NFIC: variants seen among roughly 807,000 people sequenced by gnomAD.
The protein encoded by NFIC is nuclear factor I C, also known as nuclear factor 1 C-type.
NFIC carries 12 observed loss-of-function variants against 54.4 expected under a neutral mutation model. That is an observed-to-expected ratio of 0.22 (90% CI 0.14 to 0.36). The LOEUF (loss-of-function observed/expected upper bound fraction) is 0.36. Ranked by LOEUF, NFIC falls within the 10% of genes least tolerant of loss-of-function variation. The pLI is 1.00. For synonymous variants in NFIC, 322 were observed against 319.2 expected (o/e 1.01, Z -0.09); for missense variants, 575 against 718.2 (o/e 0.80, Z 2.28).
chr19:3,409,131 G>A (rs753843578), intron 2 of NFIC, among the ~76,000 whole-genome samples: 15 of 152,026 alleles, frequency 9.9e-5, no homozygotes, highest in Non-Finnish European at 1.8e-4. Context: ...AACACACAAG[G>A]CCCCGAATGG....
intron 2 of NFIC, among the ~76,000 whole-genome samples, chr19:3,388,016 G>A (rs1009494560): frequency 6.6e-6 from 1 of 152,082 alleles, no homozygotes; most frequent in Non-Finnish European, 1.5e-5. Flanking sequence ...TGCCAGGCCC[G>A]CCCGTCCCAG....
chr19:3,460,011 G>A (rs1021401919), intron 10 of NFIC, among the ~76,000 whole-genome samples: 3 of 152,186 alleles, frequency 2.0e-5, no homozygotes, highest in African/African-American at 4.8e-5. Flanking sequence ...TGGAGTTTGC[G>A]TTTCCAGGGC....
Position 3,433,699 on chromosome 19 carries a change from C to T in NFIC, c.709+107C>T, listed in dbSNP as rs1349375936. On this transcript the variant is annotated intron_variant, in intron 4 of 10. Coordinates refer to ENST00000443272, the MANE Select transcript of NFIC (RefSeq NM_001245002.2). ...TACTCCTTGTCCTTTCCAGACAACC[C>T]CCTGTGTCACTAAGCCAAGGTTCCT... 22 of 1,231,302 alleles carry T rather than the reference C, an allele frequency of 1.8e-5. No homozygotes were observed. The East Asian group carries it at 5.5e-4, about 31-fold the overall frequency. 76.3% of individuals were successfully genotyped at this position (1,231,302 alleles called of 1,614,324 possible).
chr19:3,450,985 G>A (rs929611317), intron 7 of NFIC, among the ~76,000 whole-genome samples: 3 of 152,230 alleles, frequency 2.0e-5, no homozygotes, highest in Non-Finnish European at 2.9e-5. Flanking sequence ...CAGAGACCAC[G>A]TGGCCAAAAG....
At chr19:3,419,782 C>T (rs1015897151) in intron 2 of NFIC, among the ~76,000 whole-genome samples, 1 of 143,610 alleles carries the variant, frequency 7.0e-6, no homozygotes, top group Non-Finnish European at 1.5e-5. Context: ...CTGGGCGACA[C>T]AGCGATACTC....
At chr19:3,386,985 GA>G (rs1305210619) in intron 2 of NFIC, among the ~76,000 whole-genome samples, 5 of 152,200 alleles carry the variant, frequency 3.3e-5, no homozygotes, top group Non-Finnish European at 1.5e-5. Flanking sequence ...TTCCTTTTCC[GA>G]ACCGAGAGTC....
At chr19:3,454,531 T>G (rs1448150327) in intron 9 of NFIC, among the ~76,000 whole-genome samples, 1 of 152,042 alleles carries the variant, frequency 6.6e-6, no homozygotes, top group African/African-American at 2.4e-5. Flanking sequence ...GATGTGGTTC[T>G]GGGTGGCTGC....
chr19:3,410,256 A>T (rs968931671), intron 2 of NFIC, among the ~76,000 whole-genome samples: 1 of 151,988 alleles, frequency 6.6e-6, no homozygotes, highest in Non-Finnish European at 1.5e-5. Flanking sequence ...TAGCTAGGAG[A>T]ACAACAATTT....
chr19:3,388,187 C>T (rs1159523795), intron 2 of NFIC, among the ~76,000 whole-genome samples: 4 of 151,808 alleles, frequency 2.6e-5, no homozygotes, highest in African/African-American at 4.8e-5. Flanking sequence ...GCTCATAGCA[C>T]GCCAGAGAGG....
chr19:3,414,772 C>A (rs1024977304), intron 2 of NFIC, among the ~76,000 whole-genome samples: 25 of 152,192 alleles, frequency 1.6e-4, no homozygotes, highest in Non-Finnish European at 3.5e-4. Context: ...ATGCTGCAAA[C>A]CCCGACTCTG....
rs1014563684 is a variant in NFIC at position 3,370,911 on chromosome 19, G to A, written c.30+4245G>A. Among the ~76,000 whole-genome samples the A allele has an allele frequency of 7.9e-5, 12 of 152,260 alleles. No homozygotes were observed. Among genetic ancestry groups the A allele is most frequent in the South Asian group, 2.1e-4 (1 of 4,826 alleles). Reference sequence around the variant, plus strand: ...CATCTGCCCTGAGCACACAGCGTGCGGGCACCCAAGTCCTGACCAGTTCAC... The same window carrying A: ...CATCTGCCCTGAGCACACAGCGTGCAGGCACCCAAGTCCTGACCAGTTCAC... On this transcript the variant is annotated intron_variant, in intron 1 of 10. Transcript: ENST00000443272. This position sits in a 1 kb window ranked among gnomAD's most constrained non-coding sequence, Gnocchi z 5.2.
intron 3 of NFIC, among the ~76,000 whole-genome samples, chr19:3,430,113 G>A (rs1050836620): frequency 1.3e-5 from 2 of 152,032 alleles, no homozygotes; most frequent in South Asian, 2.1e-4. Flanking sequence ...GATGCACCTC[G>A]CATTTGACTT....
At chr19:3,438,962 G>A (rs978884848) in intron 6 of NFIC, among the ~76,000 whole-genome samples, 2 of 152,074 alleles carry the variant, frequency 1.3e-5, no homozygotes, top group Admixed American at 6.6e-5. Context: ...GGAAGAAAAG[G>A]GAGGACCTCC....
intron 2 of NFIC, among the ~76,000 whole-genome samples, chr19:3,422,531 C>T: frequency 6.6e-6 from 1 of 151,222 alleles, no homozygotes. Flanking sequence ...TCCTGGCTAA[C>T]ACGGTGAAAC....
At position 3,453,813 on chromosome 19, in the gene NFIC, G is replaced by A. The variant is rs748174262; in HGVS notation, c.1320G>A (p.Gln440=). The part of the protein sequence containing the change: ...LKMPSHCLSA[Q]MLAPPPPGLP... ...TGCCCAGCCACTGCCTTTCTGCTCA[G>A]ATGCTGGCACCTCCGCCCCCGGGGC... Residue 440 remains glutamine, a synonymous_variant, in exon 9 of 11, where the codon CAG becomes CAA. Transcript: ENST00000443272. This position sits in a 1 kb window ranked among gnomAD's most constrained non-coding sequence, Gnocchi z 6.7. 3.1e-6 allele frequency: 5 copies of A among 1,604,752 alleles called. No individual in the cohort carries two copies. Among genetic ancestry groups the A allele is most frequent in the Non-Finnish European group, 3.4e-6 (4 of 1,176,114 alleles).
In NFIC at chr19:3,433,694, C is replaced by A. The variant is rs2082156310; in HGVS notation, c.709+102C>A. On this transcript the variant is annotated intron_variant, in intron 4 of 10. Coordinates refer to ENST00000443272, the MANE Select transcript of NFIC (RefSeq NM_001245002.2). ...CACCCTACTCCTTGTCCTTTCCAGACAACCCCCTGTGTCACTAAGCCAAGG... is the reference window on the plus strand; with the variant it reads ...CACCCTACTCCTTGTCCTTTCCAGAAAACCCCCTGTGTCACTAAGCCAAGG... 21 of 1,311,346 alleles carry A rather than the reference C, an allele frequency of 1.6e-5. No individual in the cohort carries two copies. The South Asian group carries it at 2.6e-4, about 16-fold the overall frequency. 81.2% of individuals were successfully genotyped at this position (1,311,346 alleles called of 1,614,324 possible).
At chr19:3,403,304 T>C (rs1041460662) in intron 2 of NFIC, among the ~76,000 whole-genome samples, 2 of 152,182 alleles carry the variant, frequency 1.3e-5, no homozygotes, top group African/African-American at 4.8e-5. Context: ...AAGGCAACAT[T>C]TAAACCTCTG....
intron 2 of NFIC, among the ~76,000 whole-genome samples, chr19:3,400,927 A>G (rs566746594): frequency 1.3e-5 from 2 of 152,338 alleles, no homozygotes; most frequent in Non-Finnish European, 2.9e-5. Flanking sequence ...GGCCAAAGGA[A>G]AAGAGGCTGA....
intron 2 of NFIC, among the ~76,000 whole-genome samples, chr19:3,392,197 G>A (rs1253754930): frequency 5.5e-5 from 8 of 146,258 alleles, no homozygotes; most frequent in East Asian, 4.1e-4. Context: ...TCAACCTCCC[G>A]AATAGCTGGG....
Sources: allele counts gnomAD v4.1 joint callset (sites outside exome capture counted in the v4.1 genomes callset), GRCh38; gene constraint gnomAD v4.1.1; non-coding constraint Gnocchi (gnomAD v3.1); transcripts MANE v1.5; gene names NCBI Gene and HGNC (gene_info 2026-07-23, HGNC 2026-07-21).